SLC45A4: variants seen among roughly 807,000 people sequenced by gnomAD.
SLC45A4 encodes polyamine-transporter SLC45A4.
Under a neutral mutation model 63.7 loss-of-function variants are expected in SLC45A4, and 32 were observed. The ratio of observed to expected loss-of-function variants is 0.50; its 90% CI spans 0.38 to 0.67. SLC45A4 has a LOEUF of 0.67. SLC45A4 is among the 30% of genes least tolerant of loss of function. The pLI, the probability that SLC45A4 is intolerant of heterozygous loss-of-function variation, is 0.00. For synonymous variants in SLC45A4, 535 were observed against 510.0 expected (o/e 1.05, Z -0.66); for missense variants, 1,027 against 1,157.7 (o/e 0.89, Z 1.64).
At chr8:141,255,746 A>C (rs1828745968) in intron 1 of SLC45A4, among the ~76,000 whole-genome samples, 1 of 151,980 alleles carries the variant, frequency 6.6e-6, no homozygotes, top group African/African-American at 2.4e-5. Flanking sequence ...AACAAACAAA[A>C]AAAACAAAAA....
At chr8:141,281,584 G>A (rs1255248218) in intron 1 of SLC45A4, among the ~76,000 whole-genome samples, 1 of 152,166 alleles carries the variant, frequency 6.6e-6, no homozygotes, top group African/African-American at 2.4e-5. Flanking sequence ...CAACTAAGGC[G>A]ACTTTCTGAA....
intron 1 of SLC45A4, among the ~76,000 whole-genome samples, chr8:141,284,389 T>G (rs1028418259): frequency 1.1e-4 from 16 of 152,032 alleles, no homozygotes; most frequent in Non-Finnish European, 2.2e-4. Context: ...TCGCACCAGC[T>G]CGGGAGGGAG....
chr8:141,297,824 T>C (rs1175748503), intron 1 of SLC45A4, among the ~76,000 whole-genome samples: 1 of 152,248 alleles, frequency 6.6e-6, no homozygotes, highest in African/African-American at 2.4e-5. Context: ...CAATTTTATT[T>C]TAAATTTGAT....
At chr8:141,305,248 T>TG (rs988350540) in intron 1 of SLC45A4, among the ~76,000 whole-genome samples, 2 of 152,182 alleles carry the variant, frequency 1.3e-5, no homozygotes, top group Admixed American at 6.5e-5. Flanking sequence ...TAGGAGCCGG[T>TG]GGGGGAGGTG....
rs908896926 is a variant in SLC45A4, at chr8:141,270,895, G to A, written c.-400-16266C>T. Reference sequence around the variant, plus strand: ...CCTGTCTAGTCAGTCACGTGCTTGTGTCTCCCCAGCCACGGCAAGATCCCT... The same window carrying A: ...CCTGTCTAGTCAGTCACGTGCTTGTATCTCCCCAGCCACGGCAAGATCCCT... On this transcript the variant is annotated intron_variant, in intron 1 of 8. Transcript: ENST00000517878. Among the ~76,000 whole-genome samples the A allele has an allele frequency of 7.2e-5, 11 of 152,262 alleles. No individual in the cohort carries two copies. The East Asian group carries it at 9.7e-4, about 13-fold the overall frequency.
chr8:141,217,279 T>C, intron 5 of SLC45A4, 90 bp from the exon 6 acceptor site: 1 of 1,360,400 alleles, frequency 7.4e-7, no homozygotes, highest in Non-Finnish European at 1.0e-6. Flanking sequence ...GCTGGCCGGC[T>C]GCTCATTCTA....
chr8:141,238,618 G>T (rs895184052), intron 2 of SLC45A4, among the ~76,000 whole-genome samples: 4 of 152,036 alleles, frequency 2.6e-5, no homozygotes, highest in Admixed American at 6.5e-5. Flanking sequence ...CCCCACCACC[G>T]CATCTCCCCC....
Position 141,219,729 on chromosome 8 carries a change from C to A in SLC45A4, c.531G>T (p.Gly177=). 1 of 1,609,000 alleles carries A rather than the reference C, an allele frequency of 6.2e-7. No homozygotes were observed. Among genetic ancestry groups the A allele is most frequent in the Non-Finnish European group, 8.5e-7 (1 of 1,178,020 alleles). The change falls in exon 4 of 9, where the codon GGG becomes GGT. Residue 177 remains glycine, a synonymous_variant. Transcript: ENST00000517878. ...VLDFSADATE[G]PIRAYLLDVV... The stretch of plus-strand genomic sequence containing the variant: ...CGTCCAGCAGATAGGCACGGATGGG[C>A]CCCTCGGTGGCATCGGCGCTGAAGT...
At position 141,308,288 on chromosome 8, in the gene SLC45A4, C is replaced by A. The variant is rs1345982033; in HGVS notation, c.-593G>T. 6.8e-6 allele frequency: 1 copy of A among 147,662 alleles called. No individual in the cohort carries two copies. The highest frequency in any genetic ancestry group is 2.4e-5 in the African/African-American group (1 of 40,982). 9.1% of individuals were successfully genotyped at this position (147,662 alleles called of 1,614,324 possible). ...GCGCGGAGAGAGCGCTGCGAGGCTG[C>A]GGCCGGCGCGCGGAGACAACGCCGC... On this transcript the variant is annotated 5_prime_UTR_variant, in exon 1 of 9. Transcript: ENST00000517878.
intron 1 of SLC45A4, among the ~76,000 whole-genome samples, chr8:141,290,906 T>C (rs911391065): frequency 6.6e-6 from 1 of 152,246 alleles, no homozygotes; most frequent in African/African-American, 2.4e-5. Context: ...TGGAGTGCAG[T>C]GGTGCGATCT....
At position 141,215,777 on chromosome 8, in the gene SLC45A4, C is replaced by T. The variant is rs2154613978; in HGVS notation, c.1923G>A (p.Gln641=). 6.2e-7 allele frequency: 1 copy of T among 1,613,656 alleles called. No homozygotes were observed. Among genetic ancestry groups the T allele is most frequent in the Non-Finnish European group, 8.5e-7 (1 of 1,179,994 alleles). ...GACGCACCTGCTTGATGTCATGGTA[C>T]TGGCCCAGCAGGGCGTACGGGCAGT... ...ISYCPYALLG[Q]YHDIKQYIHH... Residue 641 remains glutamine (Q), a synonymous_variant, in exon 7 of 9, where the codon CAG becomes CAA. Coordinates refer to ENST00000517878, the MANE Select transcript of SLC45A4 (RefSeq NM_001286646.2). The surrounding 1 kb of genome is among the most constrained non-coding windows in gnomAD (Gnocchi z 4.3).
chr8:141,272,746 G>A (rs549280113), intron 1 of SLC45A4, among the ~76,000 whole-genome samples: 3 of 151,886 alleles, frequency 2.0e-5, no homozygotes, highest in East Asian at 3.9e-4. Context: ...CAGCCTCCTC[G>A]CCAGCGCTGC....
chr8:141,218,365 G>A lies in SLC45A4; in HGVS notation c.1275C>T (p.Ser425=). 2 of 1,608,328 alleles carry A rather than the reference G, an allele frequency of 1.2e-6. No individual in the cohort carries two copies. Among genetic ancestry groups the A allele is most frequent in the South Asian group, 1.1e-5 (1 of 91,068 alleles). The part of the protein sequence containing the change: ...RRHAFRRQAS[S]TFSYYGKLGS... ...CAAGCTTGCCGTAGTAGGAGAAGGT[G>A]CTGGAGGCCTGCCTGCGGAACGCGT... Residue 425 remains serine, a synonymous_variant, in exon 5 of 9, where the codon AGC becomes AGT. Transcript: ENST00000517878.
At chr8:141,230,650 G>A (rs936062175) in intron 2 of SLC45A4, among the ~76,000 whole-genome samples, 2 of 151,690 alleles carry the variant, frequency 1.3e-5, no homozygotes, top group Admixed American at 1.3e-4. Context: ...CCGAGCGCAC[G>A]CTGTGTCTGG....
chr8:141,239,277 C>T (rs1827783482), intron 2 of SLC45A4, among the ~76,000 whole-genome samples: 1 of 152,206 alleles, frequency 6.6e-6, no homozygotes, highest in African/African-American at 2.4e-5. Flanking sequence ...GTGCTATCCA[C>T]AGACATCCCT....
intron 1 of SLC45A4, among the ~76,000 whole-genome samples, chr8:141,290,058 G>A (rs1459742037): frequency 6.6e-6 from 1 of 151,602 alleles, no homozygotes; most frequent in East Asian, 1.9e-4. Context: ...AACATATTAT[G>A]TTACATTATG....
rs1359014484 is a variant in SLC45A4 at position 141,218,230 on chromosome 8, G to C, written c.1410C>G (p.His470Gln). Residue 470 changes from histidine to glutamine, a missense_variant, in exon 5 of 9, where the codon CAC becomes CAG. Physicochemically the swap from His to Gln is conservative, Grantham distance 24 (BLOSUM62 0). Coordinates refer to ENST00000517878, the MANE Select transcript of SLC45A4 (RefSeq NM_001286646.2). ...AGGTGGTGGCCCCGCTCTGGTTCCG[G>C]TGCCGGTGCTGCCGCTGCCGCTTCT... Reference protein sequence around the residue: ...DMQKRQRQHRHRNQSGATTSS... With the variant: ...DMQKRQRQHRQRNQSGATTSS... 2 of 1,602,062 alleles carry C rather than the reference G, an allele frequency of 1.2e-6. No individual in the cohort carries two copies. The highest frequency in any genetic ancestry group is 1.7e-6 in the Non-Finnish European group (2 of 1,179,640).
chr8:141,272,168 T>C (rs1829564678), intron 1 of SLC45A4, among the ~76,000 whole-genome samples: 1 of 152,246 alleles, frequency 6.6e-6, no homozygotes, highest in African/African-American at 2.4e-5. Context: ...TCTTCAAAAC[T>C]ATATAAAGAC....
In SLC45A4 at chr8:141,211,738, C is replaced by T. The variant is rs1825826410; in HGVS notation, c.2302-41G>A. 5 of 1,501,942 alleles carry T rather than the reference C, an allele frequency of 3.3e-6. 1 individual carries two copies. In the South Asian group the frequency reaches 5.8e-5, roughly 17 times the overall value. 93.0% of individuals were successfully genotyped at this position (1,501,942 alleles called of 1,614,324 possible). On this transcript the variant is annotated intron_variant, in intron 8 of 8. Transcript: ENST00000517878. The stretch of plus-strand genomic sequence containing the variant: ...TTGATAAAAATATTTTAGTCACTGA[C>T]TACACTACCATTATCTGAAGCATTC...
Sources: gnomAD v4.1 joint callset for allele counts (sites outside exome capture counted in the v4.1 genomes callset) on GRCh38, gnomAD v4.1.1 for gene constraint, Gnocchi (gnomAD v3.1) non-coding constraint, MANE v1.5 for transcripts, NCBI Gene and HGNC (gene_info 2026-07-23, HGNC 2026-07-21) for gene names.